The following MACROD2 variants were observed in gnomAD, a reference collection of about 807,000 sequenced individuals.
MACROD2 encodes mono-ADP ribosylhydrolase 2.
Under a neutral mutation model 70.4 loss-of-function variants are expected in MACROD2, and 36 were observed. The observed-to-expected ratio is 0.51, with a 90% CI of 0.39 to 0.68. The LOEUF (loss-of-function observed/expected upper bound fraction) is 0.68, where lower values mean the gene tolerates loss of function less well. Ranked by LOEUF, MACROD2 falls within the 30% of genes least tolerant of loss-of-function variation. MACROD2 has a pLI of 0.00. For missense variants in MACROD2, 496 were observed against 538.4 expected, an observed-to-expected ratio of 0.92 and a Z score of 0.78; for synonymous variants, 172 against 178.8, an observed-to-expected ratio of 0.96 and a Z score of 0.30.
At chr20:14,693,437 G>A (rs1453345667) in intron 5 of MACROD2, among the ~76,000 whole-genome samples, 1 of 152,174 alleles carries the variant, frequency 6.6e-6, no homozygotes, top group Non-Finnish European at 1.5e-5. Context: ...TACATTTATT[G>A]AAATAAGTAG....
At chr20:15,382,237 A>G (rs993156086) in intron 6 of MACROD2, among the ~76,000 whole-genome samples, 1 of 152,064 alleles carries the variant, frequency 6.6e-6, no homozygotes, top group Admixed American at 6.6e-5. Context: ...GCTGCTTTCC[A>G]CCTACAACAG....
At chr20:14,065,145 C>T (rs1243423992) in intron 2 of MACROD2, among the ~76,000 whole-genome samples, 1 of 152,162 alleles carries the variant, frequency 6.6e-6, no homozygotes, top group African/African-American at 2.4e-5. Flanking sequence ...ACCAAGGCTG[C>T]ACGTAACAGA....
chr20:15,242,869 C>T (rs1022716086), intron 6 of MACROD2, among the ~76,000 whole-genome samples: 6 of 152,104 alleles, frequency 3.9e-5, no homozygotes, highest in Admixed American at 6.5e-5. Flanking sequence ...ATGTGCAGGA[C>T]GCTAATATGG....
At chr20:15,368,391 A>C (rs902376186) in intron 6 of MACROD2, among the ~76,000 whole-genome samples, 1 of 152,114 alleles carries the variant, frequency 6.6e-6, no homozygotes, top group Non-Finnish European at 1.5e-5. Flanking sequence ...AACACGACAA[A>C]AACCTCTAAA....
intron 8 of MACROD2, among the ~76,000 whole-genome samples, chr20:15,783,554 GA>G (rs1177203420): frequency 1.3e-5 from 2 of 152,116 alleles, no homozygotes. Flanking sequence ...TAAAAGTCAT[GA>G]AAATTCCACT....
At chr20:15,113,763 A>AGTGTGT (rs71340210) in intron 5 of MACROD2, among the ~76,000 whole-genome samples, 11,090 of 144,136 alleles carry the variant, frequency 0.077, 551 homozygotes, top group Middle Eastern at 0.13. Flanking sequence ...GTAGTCTTGA[A>AGTGTGT]GTGTGTGTGT....
intron 2 of MACROD2, among the ~76,000 whole-genome samples, chr20:14,082,234 A>C (rs2054007321): frequency 2.4e-5 from 3 of 123,030 alleles, no homozygotes; most frequent in African/African-American, 9.6e-5. Context: ...GCTGGAGTGC[A>C]GTGGCATGAT....
At chr20:14,414,868 C>A (rs1233159643) in intron 3 of MACROD2, among the ~76,000 whole-genome samples, 2 of 151,890 alleles carry the variant, frequency 1.3e-5, no homozygotes, top group African/African-American at 2.4e-5. Flanking sequence ...CCCTGACAAT[C>A]CTATTTAAAA....
chr20:15,288,867 G>A (rs74407967), intron 6 of MACROD2, among the ~76,000 whole-genome samples: 6,391 of 146,896 alleles, frequency 0.044, 177 homozygotes, highest in African/African-American at 0.075. Flanking sequence ...CTGTCTGTCT[G>A]TCTATCTATC....
chr20:14,544,591 T>C (rs1428133485), intron 4 of MACROD2, among the ~76,000 whole-genome samples: 1 of 152,182 alleles, frequency 6.6e-6, no homozygotes, highest in Non-Finnish European at 1.5e-5. Flanking sequence ...ATAATGATGA[T>C]GATTTCCATT....
intron 6 of MACROD2, among the ~76,000 whole-genome samples, chr20:15,423,813 T>G (rs1333790884): frequency 6.6e-6 from 1 of 151,964 alleles, no homozygotes; most frequent in African/African-American, 2.4e-5. Flanking sequence ...ACTACTCCCC[T>G]CGTGGAGTGT....
chr20:14,308,672 T>A (rs553043005), intron 3 of MACROD2, among the ~76,000 whole-genome samples: 26 of 152,260 alleles, frequency 1.7e-4, no homozygotes, highest in African/African-American at 6.3e-4. Context: ...CGTGTTTGTG[T>A]ACATGGAAGG....
chr20:15,988,269 G>T (rs1292351655), intron 15 of MACROD2, among the ~76,000 whole-genome samples: 2 of 152,036 alleles, frequency 1.3e-5, no homozygotes. Context: ...TATATTCAAA[G>T]TTATTTCATG....
chr20:15,221,313 A>ACT (rs2076859607), intron 5 of MACROD2, among the ~76,000 whole-genome samples: 1 of 152,174 alleles, frequency 6.6e-6, no homozygotes, highest in African/African-American at 2.4e-5. Flanking sequence ...CTATTGAAGC[A>ACT]CTAGAAATGC....
intron 7 of MACROD2, among the ~76,000 whole-genome samples, chr20:15,462,700 AAGG>A (rs1190256644): frequency 3.9e-5 from 6 of 152,216 alleles, no homozygotes; most frequent in Non-Finnish European, 8.8e-5. Context: ...TTTGGTAAAA[AAGG>A]AGAACAGTAT....
At chr20:16,006,875 T>TGTG (rs1340679886) in intron 15 of MACROD2, among the ~76,000 whole-genome samples, 8 of 152,198 alleles carry the variant, frequency 5.3e-5, no homozygotes, top group Non-Finnish European at 5.9e-5. Context: ...AAACATTTGA[T>TGTG]TAGAACGACC....
intron 3 of MACROD2, among the ~76,000 whole-genome samples, chr20:14,372,231 T>C (rs1359495465): frequency 6.6e-6 from 1 of 152,176 alleles, no homozygotes; most frequent in Non-Finnish European, 1.5e-5. Context: ...CAAATAATTT[T>C]ACTAGAAAAA....
At chr20:14,986,461 A>C (rs1270027672) in intron 5 of MACROD2, among the ~76,000 whole-genome samples, 2 of 152,178 alleles carry the variant, frequency 1.3e-5, no homozygotes, top group Non-Finnish European at 2.9e-5. Context: ...TTATCTTCCC[A>C]AAACATTCAA....
At chr20:14,127,820 G>GA (rs2054671573) in intron 3 of MACROD2, 3 of 458,512 alleles carry the variant, frequency 6.5e-6, no homozygotes, top group Non-Finnish European at 1.3e-5. Context: ...GAGAGAAGGA[G>GA]AAAAAACAGC....
Sources: allele counts gnomAD v4.1 joint callset (sites outside exome capture counted in the v4.1 genomes callset), GRCh38; gene constraint gnomAD v4.1.1; transcripts MANE v1.5; gene names NCBI Gene and HGNC (gene_info 2026-07-23, HGNC 2026-07-21).